NBAS: variants seen among roughly 807,000 people sequenced by gnomAD.
The protein encoded by NBAS is NBAS subunit of NRZ tethering complex.
A neutral mutation model predicts 302.5 loss-of-function variants in NBAS; 219 were observed. The ratio of observed to expected loss-of-function variants is 0.72; its 90% CI spans 0.65 to 0.81. The LOEUF is 0.81. Ranked by LOEUF, NBAS falls within the 30% of genes least tolerant of loss-of-function variation. The pLI, the probability that NBAS is intolerant of heterozygous loss-of-function variation, is 0.00. For missense variants in NBAS, 2,932 were observed against 2,841.6 expected (o/e 1.03, Z -0.72); for synonymous variants, 1,118 against 1,021.6 (o/e 1.09, Z -1.80).
At chr2:15,558,433 T>A in intron 2 of NBAS, 147 bp downstream of exon 2, 1 of 621,526 alleles carries the variant, frequency 1.6e-6, no homozygotes, top group South Asian at 2.2e-5. Flanking sequence ...TGTATACATA[T>A]ACATACATAT....
intron 34 of NBAS, among the ~76,000 whole-genome samples, chr2:15,353,107 C>A (rs918215638): frequency 2.6e-5 from 4 of 152,284 alleles, no homozygotes; most frequent in African/African-American, 9.6e-5. Context: ...CTCTCCTATG[C>A]AGATCTATTC....
At position 15,309,344 on chromosome 2, in the gene NBAS, T is replaced by C. The variant is rs1045994152; in HGVS notation, c.4583-97A>G. ...TTCAGCCCCATAAGATTTCAACAAA[T>C]AATTAGTGGCAGAGACCTTTTAGGA... On this transcript the variant is annotated intron_variant, in intron 38 of 51. Coordinates refer to ENST00000281513, the MANE Select transcript of NBAS (RefSeq NM_015909.4). 7 of 1,014,880 alleles carry C rather than the reference T, an allele frequency of 6.9e-6. No individual in the cohort carries two copies. In the African/African-American group the frequency reaches 1.1e-4, roughly 16 times the overall value. The allele number at this position is 1,014,880 out of a possible 1,614,324, so 62.9% of individuals were successfully genotyped here.
At chr2:14,791,243 A>T in the NBAS span, among the ~76,000 whole-genome samples, 1 of 151,996 alleles carries the variant, frequency 6.6e-6, no homozygotes, top group Non-Finnish European at 1.5e-5. Flanking sequence ...CACCTGCCTC[A>T]GCCTTCCAAA....
At chr2:14,784,325 G>A in the NBAS span, among the ~76,000 whole-genome samples, 1 of 152,174 alleles carries the variant, frequency 6.6e-6, no homozygotes, top group East Asian at 1.9e-4. Context: ...GGTTTAATTA[G>A]ATCCCATTTG....
At chr2:15,268,160 G>A (rs764740256) in intron 44 of NBAS, among the ~76,000 whole-genome samples, 11 of 152,138 alleles carry the variant, frequency 7.2e-5, no homozygotes, top group Non-Finnish European at 1.6e-4. Context: ...GGAAGCTCCC[G>A]CTATGAGTCC....
chr2:14,847,754 GACTTAATCTGC>G, the NBAS span, among the ~76,000 whole-genome samples: 1 of 152,150 alleles, frequency 6.6e-6, no homozygotes, highest in Non-Finnish European at 1.5e-5. Flanking sequence ...AGAAACATCT[GACTTAATCTGC>G]ACTATACAGC....
Position 15,520,433 on chromosome 2 carries a change from G to A in NBAS, c.747-9083C>T, listed in dbSNP as rs557320126. Among the ~76,000 whole-genome samples the A allele has an allele frequency of 6.1e-4, 93 of 152,142 alleles. No homozygotes were observed. The South Asian group carries it at 0.01, about 17-fold the overall frequency. ...AGAAAAGAACTACGAAAAAATCTAC[G>A]AAGTTCAATACGCCTTACTTTCTAC... On this transcript the variant is annotated intron_variant, in intron 9 of 51. Coordinates refer to ENST00000281513, the MANE Select transcript of NBAS (RefSeq NM_015909.4).
the NBAS span, among the ~76,000 whole-genome samples, chr2:14,981,284 A>G: frequency 1.3e-5 from 2 of 152,242 alleles, no homozygotes; most frequent in Non-Finnish European, 2.9e-5. Context: ...TTCAAAGAAC[A>G]AGAATCAAAT....
At chr2:15,280,436 G>A (rs1015715904) in intron 42 of NBAS, among the ~76,000 whole-genome samples, 18 of 152,026 alleles carry the variant, frequency 1.2e-4, no homozygotes, top group Middle Eastern at 6.8e-3. Context: ...GGGAAGGGCT[G>A]GAAGTGAAAA....
chr2:15,307,941 A>G (rs1468215259), intron 40 of NBAS, among the ~76,000 whole-genome samples: 1 of 152,230 alleles, frequency 6.6e-6, no homozygotes, highest in Non-Finnish European at 1.5e-5. Context: ...CTACTACTTT[A>G]GCCATTCCTA....
At chr2:14,976,307 C>G in the NBAS span, among the ~76,000 whole-genome samples, 5,451 of 152,236 alleles carry the variant, frequency 0.036, 136 homozygotes, top group Non-Finnish European at 0.054. Context: ...CATTTGCAGG[C>G]CATGGTACCA....
At chr2:15,517,411 T>C (rs1200452485) in intron 9 of NBAS, among the ~76,000 whole-genome samples, 2 of 152,122 alleles carry the variant, frequency 1.3e-5, no homozygotes, top group African/African-American at 2.4e-5. Flanking sequence ...AAAATATATA[T>C]TGGAAGGTCA....
At chr2:15,027,949 T>C in the NBAS span, among the ~76,000 whole-genome samples, 12 of 152,330 alleles carry the variant, frequency 7.9e-5, no homozygotes, top group Admixed American at 4.6e-4. Flanking sequence ...ACATATTTCA[T>C]TGATGTTGAA....
intron 12 of NBAS, among the ~76,000 whole-genome samples, chr2:15,482,267 A>C (rs2148600424): frequency 6.6e-6 from 1 of 152,054 alleles, no homozygotes; most frequent in East Asian, 1.9e-4. Context: ...AGTAGCTGGG[A>C]ATATGGGCAC....
the NBAS span, among the ~76,000 whole-genome samples, chr2:15,138,849 A>C: frequency 6.6e-6 from 1 of 152,244 alleles, no homozygotes; most frequent in Non-Finnish European, 1.5e-5. Context: ...TGGAATAATT[A>C]AGACACATTT....
the NBAS span, among the ~76,000 whole-genome samples, chr2:15,115,907 G>T: frequency 2.6e-5 from 4 of 152,288 alleles, no homozygotes; most frequent in South Asian, 8.3e-4. Flanking sequence ...TTCTTTAGCT[G>T]AGTCACTATT....
At chr2:15,541,352 T>TA (rs1440211239) in intron 6 of NBAS, among the ~76,000 whole-genome samples, 1 of 152,072 alleles carries the variant, frequency 6.6e-6, no homozygotes, top group African/African-American at 2.4e-5. Context: ...AAATCTCTAT[T>TA]AACAGGGCAA....
chr2:15,137,895 C>A, the NBAS span, among the ~76,000 whole-genome samples: 2 of 152,184 alleles, frequency 1.3e-5, no homozygotes, highest in Admixed American at 1.3e-4. Flanking sequence ...CTTGTCTCAG[C>A]CCACTGAGTA....
intron 35 of NBAS, among the ~76,000 whole-genome samples, chr2:15,333,640 T>G (rs1376701105): frequency 1.3e-5 from 2 of 151,932 alleles, no homozygotes; most frequent in Non-Finnish European, 2.9e-5. Flanking sequence ...GTTTTTATCC[T>G]AATTCATATA....
Sources: gnomAD v4.1 joint callset for allele counts (sites outside exome capture counted in the v4.1 genomes callset) on GRCh38, gnomAD v4.1.1 for gene constraint, MANE v1.5 for transcripts, NCBI Gene and HGNC (gene_info 2026-07-23, HGNC 2026-07-21) for gene names.